The following TNIP1 variants were observed in gnomAD, a reference collection of about 807,000 sequenced individuals.
The protein encoded by TNIP1 is TNFAIP3 interacting protein 1, also known as TNFAIP3-interacting protein 1.
A neutral mutation model predicts 86.6 loss-of-function variants in TNIP1; 22 were observed. The ratio of observed to expected loss-of-function variants is 0.25; its 90% CI spans 0.18 to 0.36. The LOEUF is 0.36. TNIP1 is among the 10% of genes least tolerant of loss of function. TNIP1 has a pLI of 1.00. For missense variants in TNIP1, 709 were observed against 820.6 expected (o/e 0.86, Z 1.66); for synonymous variants, 294 against 313.0 (o/e 0.94, Z 0.64).
chr5:151,073,660 A>G (rs1038562101), intron 1 of TNIP1, among the ~76,000 whole-genome samples: 1 of 152,124 alleles, frequency 6.6e-6, no homozygotes, highest in Non-Finnish European at 1.5e-5. Context: ...TTGGGAGGCC[A>G]AGGTGGGAGG....
At chr5:151,068,551 C>A (rs1265608883) in intron 1 of TNIP1, among the ~76,000 whole-genome samples, 1 of 152,216 alleles carries the variant, frequency 6.6e-6, no homozygotes, top group Non-Finnish European at 1.5e-5. Flanking sequence ...AAAGGAAGCA[C>A]TGACCACTCC....
At chr5:151,076,694 G>C (rs1244680437) in intron 1 of TNIP1, among the ~76,000 whole-genome samples, 1 of 152,136 alleles carries the variant, frequency 6.6e-6, no homozygotes, top group Non-Finnish European at 1.5e-5. Flanking sequence ...AGCAATGAGG[G>C]AAAATGATGG....
At chr5:151,080,007 G>C (rs1167425155) in intron 1 of TNIP1, 1 of 152,184 alleles carries the variant, frequency 6.6e-6, no homozygotes, top group Admixed American at 6.5e-5. Flanking sequence ...GGGGAAGGAC[G>C]TTGCTGATTC....
intron 7 of TNIP1, 55 bp downstream of exon 7, chr5:151,052,110 C>A: frequency 1.3e-6 from 2 of 1,521,956 alleles, no homozygotes; most frequent in Middle Eastern, 1.7e-4. Flanking sequence ...TGCACACCAG[C>A]CCCTCCTCCT....
At chr5:151,076,112 T>C (rs1763362728) in intron 1 of TNIP1, among the ~76,000 whole-genome samples, 1 of 152,190 alleles carries the variant, frequency 6.6e-6, no homozygotes, top group African/African-American at 2.4e-5. Flanking sequence ...CAGTCATCCA[T>C]TCCAATCTGA....
rs150109817 is a variant in TNIP1 at position 151,036,869 on chromosome 5, G to C, written c.1316C>G (p.Ala439Gly). ...IQTPPSSPPTAFGSPEGAGAL... is the reference protein window; with the variant it reads ...IQTPPSSPPTGFGSPEGAGAL... ...CCCTGCTCCTTCTGGGCTCCCAAAT[G>C]CTGTTGGTGGAGATGATGGCGGGGT... Residue 439 changes from alanine to glycine, a missense_variant, in exon 13 of 18, where the codon GCA becomes GGA. Physicochemically the swap from Ala to Gly is moderately conservative, Grantham distance 60 (BLOSUM62 0). Transcript: ENST00000521591. The C allele has an allele frequency of 6.2e-7, 1 of 1,613,128 alleles. No individual in the cohort carries two copies. The highest frequency in any genetic ancestry group is 8.5e-7 in the Non-Finnish European group (1 of 1,179,564).
In TNIP1 at chr5:151,053,221, T is replaced by C. The variant is rs140368000; in HGVS notation, c.628-962A>G. ...ACCTCCCAGGTTCAAGAGATTCTCC[T>C]GCCTCAGCCTCCTGAGTAGCTGGAA... On this transcript the variant is annotated intron_variant, in intron 6 of 17. Coordinates refer to ENST00000521591, the MANE Select transcript of TNIP1 (RefSeq NM_006058.5). Among the ~76,000 whole-genome samples, 1,329 of 148,868 alleles carry C rather than the reference T, an allele frequency of 8.9e-3. 18 individuals carry two copies. Among genetic ancestry groups the C allele is most frequent in the African/African-American group, 0.031 (1,269 of 40,460 alleles).
intron 3 of TNIP1, among the ~76,000 whole-genome samples, chr5:151,062,451 G>A (rs748340689): frequency 6.6e-6 from 1 of 152,214 alleles, no homozygotes; most frequent in Admixed American, 6.5e-5. Flanking sequence ...AAAATCCCAA[G>A]TTGGCTGCTG....
intron 12 of TNIP1, among the ~76,000 whole-genome samples, chr5:151,038,370 T>C (rs1221454057): frequency 6.6e-6 from 1 of 152,208 alleles, no homozygotes; most frequent in Non-Finnish European, 1.5e-5. Flanking sequence ...AGCTCCCTCC[T>C]GTCAGCTTGC....
chr5:151,061,735 C>T (rs1761597941), intron 4 of TNIP1, among the ~76,000 whole-genome samples: 1 of 152,196 alleles, frequency 6.6e-6, no homozygotes, highest in South Asian at 2.1e-4. Flanking sequence ...GCCTCAGCCT[C>T]CCCAAGTGCT....
intron 4 of TNIP1, among the ~76,000 whole-genome samples, 156 bp downstream of exon 4, chr5:151,061,971 G>T (rs938733771): frequency 6.6e-6 from 1 of 152,170 alleles, no homozygotes; most frequent in African/African-American, 2.4e-5. Flanking sequence ...GGAGGCTGAG[G>T]CCCCAGAGAG....
At chr5:151,062,001 A>G (rs575335849) in intron 4 of TNIP1, 126 bp downstream of exon 4, 209 of 862,476 alleles carry the variant, frequency 2.4e-4, no homozygotes, top group Non-Finnish European at 3.5e-4. Flanking sequence ...GACTTGCCCA[A>G]TATCACCCAG....
At chr5:151,039,444 T>C (rs1758137212) in intron 11 of TNIP1, among the ~76,000 whole-genome samples, 1 of 152,128 alleles carries the variant, frequency 6.6e-6, no homozygotes, top group African/African-American at 2.4e-5. Flanking sequence ...GAAAAAGCAG[T>C]AGCTCAGTTG....
chr5:151,083,051 C>T (rs548613553), upstream of TNIP1, among the ~76,000 whole-genome samples: 45 of 152,322 alleles, frequency 3.0e-4, 1 homozygote, highest in South Asian at 7.9e-3. Context: ...GTCCTGTGTG[C>T]TTGGTCCACT....
intron 6 of TNIP1, among the ~76,000 whole-genome samples, chr5:151,053,040 G>GCCCTCACA (rs1315988195): frequency 5.3e-5 from 8 of 149,932 alleles, no homozygotes; most frequent in Non-Finnish European, 1.2e-4. Context: ...ATGCCCTCAC[G>GCCCTCACA]CCCTCACAAT....
chr5:151,040,045 G>C (rs1376907739), intron 11 of TNIP1, among the ~76,000 whole-genome samples: 2 of 152,158 alleles, frequency 1.3e-5, no homozygotes, highest in Non-Finnish European at 2.9e-5. Context: ...AGTGAGCTGG[G>C]GCTAGAACCC....
chr5:151,076,167 T>TC (rs986626458), intron 1 of TNIP1, among the ~76,000 whole-genome samples: 2 of 151,952 alleles, frequency 1.3e-5, no homozygotes, highest in African/African-American at 4.8e-5. Flanking sequence ...ATCAAGAACT[T>TC]CCCACAATGG....
chr5:151,069,022 G>A (rs1199711919), intron 1 of TNIP1, among the ~76,000 whole-genome samples: 2 of 152,216 alleles, frequency 1.3e-5, no homozygotes, highest in East Asian at 3.8e-4. Context: ...GCTGGAACCA[G>A]AAAGGCCCAG....
At chr5:151,056,721 G>T in intron 6 of TNIP1, 45 bp downstream of exon 6, 2 of 1,431,256 alleles carry the variant, frequency 1.4e-6, no homozygotes, top group Non-Finnish European at 1.8e-6. Flanking sequence ...AGCTCGGGGG[G>T]AAGCACGCCT....
Sources: allele counts gnomAD v4.1 joint callset (sites outside exome capture counted in the v4.1 genomes callset), GRCh38; gene constraint gnomAD v4.1.1; transcripts MANE v1.5; gene names NCBI Gene and HGNC (gene_info 2026-07-23, HGNC 2026-07-21).